Variants in RGS7 observed in about 807,000 individuals in gnomAD.
RGS7 encodes the protein regulator of G protein signaling 7.
Under a neutral mutation model 81.1 loss-of-function variants are expected in RGS7, and 27 were observed. The ratio of observed to expected loss-of-function variants is 0.33; its 90% CI spans 0.25 to 0.46. RGS7 has a LOEUF of 0.46. Ranked by LOEUF, RGS7 falls within the 20% of genes least tolerant of loss-of-function variation. The pLI is 1.00. For synonymous variants in RGS7, 208 were observed against 207.7 expected (o/e 1.00, Z -0.01); for missense variants, 396 against 607.4 (o/e 0.65, Z 3.66).
intron 18 of RGS7, among the ~76,000 whole-genome samples, chr1:240,781,049 G>A (rs1364365193): frequency 1.3e-5 from 2 of 150,382 alleles, no homozygotes; most frequent in Non-Finnish European, 3.0e-5. Context: ...AAAAAAACAT[G>A]GTTCTCTTTC....
intron 2 of RGS7, among the ~76,000 whole-genome samples, chr1:241,167,709 G>C (rs144467206): frequency 6.6e-6 from 1 of 151,336 alleles, no homozygotes; most frequent in Non-Finnish European, 1.5e-5. Context: ...TAGTAGAGAC[G>C]GGGTTTCATC....
rs1302032141 is a variant in RGS7, at chr1:240,933,058, A to G, written c.334-2290T>C. Among the ~76,000 whole-genome samples the G allele has an allele frequency of 8.3e-5, 12 of 145,256 alleles. No individual in the cohort carries two copies. In the East Asian group the frequency reaches 1.8e-3, roughly 22 times the overall value. ...GCACCACGCCCGGCTAATTTTTTGT[A>G]TTTTCAGTAGAGACGGGGTTTCACC... On this transcript the variant is annotated intron_variant, in intron 5 of 18. Coordinates refer to ENST00000440928, the MANE Select transcript of RGS7 (RefSeq NM_001364886.1).
intron 2 of RGS7, among the ~76,000 whole-genome samples, chr1:241,141,516 A>T (rs1287736315): frequency 6.6e-6 from 1 of 152,208 alleles, no homozygotes; most frequent in East Asian, 1.9e-4. Flanking sequence ...GGAAACTTAC[A>T]GTCATGGTGG....
chr1:241,114,784 A>T lies in RGS7; in HGVS notation c.79-16022T>A, dbSNP rs542439773. Among the ~76,000 whole-genome samples the T allele has an allele frequency of 4.1e-4, 62 of 152,308 alleles. No homozygotes were observed. The East Asian group carries it at 8.9e-3, about 22-fold the overall frequency. On this transcript the variant is annotated intron_variant, in intron 2 of 18. Transcript: ENST00000440928. ...ATGATTATGGGGCCTGAGTCATGTG[A>T]CAGGCAGCTGTAACCTAGGCAGCTG...
chr1:241,017,139 C>T lies in RGS7; in HGVS notation c.176-34010G>A, dbSNP rs922720911. On this transcript the variant is annotated intron_variant, in intron 3 of 18. Transcript: ENST00000440928. ...TCCTAATTCCTCCCTTCCCTTGCAG[C>T]ATTGCTGTCATTCAGTTCACCCGAT... Among the ~76,000 whole-genome samples, 10 of 152,152 alleles carry T rather than the reference C, an allele frequency of 6.6e-5. 1 individual carries two copies. The highest frequency in any genetic ancestry group is 1.3e-4 in the Admixed American group (2 of 15,264).
chr1:241,306,295 C>A (rs188838286), intron 2 of RGS7, among the ~76,000 whole-genome samples: 2 of 145,274 alleles, frequency 1.4e-5, no homozygotes, highest in Admixed American at 6.9e-5. Flanking sequence ...ACACACATAC[C>A]CTCACATGTA....
chr1:241,336,465 C>G lies in RGS7; in HGVS notation c.78+19234G>C, dbSNP rs150825919. Among the ~76,000 whole-genome samples, 99 of 152,306 alleles carry G rather than the reference C, an allele frequency of 6.5e-4. 1 individual carries two copies. The highest frequency in any genetic ancestry group is 2.2e-3 in the African/African-American group (91 of 41,560). On this transcript the variant is annotated intron_variant, in intron 2 of 18. Transcript: ENST00000440928. Reference sequence around the variant, plus strand: ...AATCCCTAAAACATAGGAATCCAGACAGAAATATTATTGCTTCTGCAGAAA... The same window carrying G: ...AATCCCTAAAACATAGGAATCCAGAGAGAAATATTATTGCTTCTGCAGAAA...
At chr1:241,259,667 A>AAAAAAAAAATAT in intron 2 of RGS7, among the ~76,000 whole-genome samples, 47 of 49,136 alleles carry the variant, frequency 9.6e-4, no homozygotes, top group African/African-American at 1.6e-3. Context: ...AAAAAAAAAA[A>AAAAAAAAAATAT]ATATATATAT....
At chr1:241,274,957 A>G (rs772909814) in intron 2 of RGS7, among the ~76,000 whole-genome samples, 19 of 152,238 alleles carry the variant, frequency 1.2e-4, no homozygotes, top group Non-Finnish European at 2.5e-4. Context: ...TGATTATTCA[A>G]ATTAACTTTG....
chr1:241,061,816 A>G (rs1421044386), intron 3 of RGS7, among the ~76,000 whole-genome samples: 1 of 152,158 alleles, frequency 6.6e-6, no homozygotes, highest in Non-Finnish European at 1.5e-5. Context: ...GCTAGCCTAG[A>G]CCATCATCTG....
intron 13 of RGS7, among the ~76,000 whole-genome samples, chr1:240,813,001 A>G (rs907295019): frequency 1.3e-5 from 2 of 152,198 alleles, no homozygotes; most frequent in Non-Finnish European, 2.9e-5. Context: ...AATGCAATCT[A>G]GAGAACTGCT....
At chr1:240,891,713 G>GTA (rs1668321311) in intron 6 of RGS7, among the ~76,000 whole-genome samples, 1 of 152,100 alleles carries the variant, frequency 6.6e-6, no homozygotes, top group Non-Finnish European at 1.5e-5. Flanking sequence ...AAATAAGTAG[G>GTA]TAAACAATAA....
intron 6 of RGS7, among the ~76,000 whole-genome samples, chr1:240,903,737 C>T (rs76874945): frequency 0.023 from 3,505 of 152,222 alleles, 131 homozygotes; most frequent in African/African-American, 0.078. Flanking sequence ...AGATCCCTCA[C>T]GAATGGCTTG....
chr1:241,173,087 A>G lies in RGS7; in HGVS notation c.79-74325T>C, dbSNP rs192983228. 2.6e-5 allele frequency among the ~76,000 whole-genome samples: 4 copies of G among 152,334 alleles called. No homozygotes were observed. The East Asian group carries it at 7.7e-4, about 29-fold the overall frequency. ...TTATTTTCCTTGTAATAAATAATTC[A>G]TGATCAGTATTATTATCCTAATTTT... On this transcript the variant is annotated intron_variant, in intron 2 of 18. Coordinates refer to ENST00000440928, the MANE Select transcript of RGS7 (RefSeq NM_001364886.1).
At chr1:241,015,466 A>AGGGG (rs2059171777) in intron 3 of RGS7, among the ~76,000 whole-genome samples, 1 of 152,200 alleles carries the variant, frequency 6.6e-6, no homozygotes, top group Non-Finnish European at 1.5e-5. Context: ...TAAACATCTA[A>AGGGG]TATATAAACC....
At chr1:241,242,479 C>G (rs111617353) in intron 2 of RGS7, among the ~76,000 whole-genome samples, 2,035 of 152,270 alleles carry the variant, frequency 0.013, 47 homozygotes, top group African/African-American at 0.047. Context: ...TTCTTTTCCT[C>G]TGGGTAGATA....
chr1:241,186,287 C>G (rs1464216807), intron 2 of RGS7, among the ~76,000 whole-genome samples: 1 of 151,962 alleles, frequency 6.6e-6, no homozygotes, highest in Admixed American at 6.6e-5. Context: ...CATAATTTCC[C>G]AAATCTGAAA....
chr1:240,916,597 T>G (rs1672661206), intron 6 of RGS7, among the ~76,000 whole-genome samples: 1 of 152,060 alleles, frequency 6.6e-6, no homozygotes, highest in African/African-American at 2.4e-5. Context: ...CATGAGATCA[T>G]AAGGGTGAGG....
intron 3 of RGS7, among the ~76,000 whole-genome samples, chr1:241,000,814 ATTTTTTT>A (rs10691671): frequency 3.8e-5 from 5 of 130,376 alleles, no homozygotes; most frequent in South Asian, 2.5e-4. Flanking sequence ...CACCCAGCTA[ATTTTTTT>A]TTTTTTTTTT....
Sources: allele counts gnomAD v4.1 joint callset (sites outside exome capture counted in the v4.1 genomes callset), GRCh38; gene constraint gnomAD v4.1.1; transcripts MANE v1.5; gene names NCBI Gene and HGNC (gene_info 2026-07-23, HGNC 2026-07-21).